The following VWA3B variants were observed in gnomAD, a reference collection of about 807,000 sequenced individuals.
VWA3B encodes von Willebrand factor A domain-containing protein 3B.
A neutral mutation model predicts 158.3 loss-of-function variants in VWA3B; 138 were observed. The ratio of observed to expected loss-of-function variants is 0.87; its 90% CI spans 0.76 to 1.00. The LOEUF is 1.00. VWA3B is among the 50% of genes least tolerant of loss of function. The pLI is 0.00. For synonymous variants in VWA3B, 596 were observed against 587.3 expected (o/e 1.01, Z -0.21); for missense variants, 1,555 against 1,565.1 (o/e 0.99, Z 0.11).
chr2:98,180,886 C>A, intron 8 of VWA3B, 130 bp from the exon 9 acceptor site: 1 of 932,700 alleles, frequency 1.1e-6, no homozygotes, highest in Non-Finnish European at 1.6e-6. Context: ...CTTTGGAAAG[C>A]TGTTTTCTGA....
chr2:98,092,115 A>G (rs1682336729), intron 1 of VWA3B, among the ~76,000 whole-genome samples: 1 of 152,226 alleles, frequency 6.6e-6, no homozygotes, highest in South Asian at 2.1e-4. Flanking sequence ...CAGAAAGTGG[A>G]TACATGTATT....
chr2:98,102,017 G>GCGGCCTTC (rs1683111348), intron 2 of VWA3B, among the ~76,000 whole-genome samples: 1 of 152,156 alleles, frequency 6.6e-6, no homozygotes, highest in Non-Finnish European at 1.5e-5. Context: ...AGAGGTCCCT[G>GCGGCCTTC]CGGCCTTCCG....
intron 21 of VWA3B, among the ~76,000 whole-genome samples, chr2:98,260,840 T>C (rs1050281002): frequency 1.3e-5 from 2 of 151,828 alleles, no homozygotes; most frequent in Non-Finnish European, 3.0e-5. Context: ...GGTAATATTA[T>C]AGCCACTCCA....
At chr2:98,305,460 C>T (rs1321387787) in intron 26 of VWA3B, among the ~76,000 whole-genome samples, 4 of 152,170 alleles carry the variant, frequency 2.6e-5, no homozygotes, top group African/African-American at 9.7e-5. Flanking sequence ...TGCAGGATGA[C>T]AGTGATGTGA....
At chr2:98,093,848 A>G (rs1237486930) in intron 2 of VWA3B, among the ~76,000 whole-genome samples, 4 of 152,138 alleles carry the variant, frequency 2.6e-5, no homozygotes, top group South Asian at 2.1e-4. Context: ...CGCTACTTCT[A>G]TGAGATAAAC....
At chr2:98,283,727 G>A (rs556111219) in intron 22 of VWA3B, among the ~76,000 whole-genome samples, 3 of 152,342 alleles carry the variant, frequency 2.0e-5, no homozygotes, top group East Asian at 1.9e-4. Context: ...TTCTCCAAGA[G>A]TGTAGATTAG....
chr2:98,148,557 C>G (rs1677356911), intron 7 of VWA3B, among the ~76,000 whole-genome samples: 1 of 152,200 alleles, frequency 6.6e-6, no homozygotes, highest in Admixed American at 6.5e-5. Context: ...ATAAATCCTG[C>G]AGTTCCTTCG....
At chr2:98,096,167 G>T (rs533166037) in intron 2 of VWA3B, among the ~76,000 whole-genome samples, 1 of 152,258 alleles carries the variant, frequency 6.6e-6, no homozygotes, top group African/African-American at 2.4e-5. Context: ...TCCTCTTCAA[G>T]TTTTTGGGAA....
chr2:98,229,139 T>C (rs1685152654), intron 15 of VWA3B, among the ~76,000 whole-genome samples: 1 of 152,216 alleles, frequency 6.6e-6, no homozygotes, highest in African/African-American at 2.4e-5. Flanking sequence ...TACAATAAGA[T>C]TTTATGGCAT....
At position 98,181,132 on chromosome 2, in the gene VWA3B, G is replaced by A. The variant is rs1357492992; in HGVS notation, c.1231G>A (p.Ala411Thr). 6.2e-7 allele frequency: 1 copy of A among 1,614,206 alleles called. No individual in the cohort carries two copies. The highest frequency in any genetic ancestry group is 1.7e-5 in the Admixed American group (1 of 60,020). ...AQKLSLYDVL[A>T]DCSFRHADGV... ...GAAGCTATCCTTGTATGATGTGCTT[G>A]CCGACTGCTCTTTCCGCCACGCTGA... Residue 411 changes from alanine (A) to threonine (T), a missense_variant, in exon 9 of 28, where the codon GCC becomes ACC. Physicochemically the swap from Ala to Thr is moderately conservative, Grantham distance 58. Coordinates refer to ENST00000477737, the MANE Select transcript of VWA3B (RefSeq NM_144992.5).
chr2:98,313,921 A>G (rs549079880), downstream of VWA3B, among the ~76,000 whole-genome samples: 1 of 152,220 alleles, frequency 6.6e-6, no homozygotes, highest in Non-Finnish European at 1.5e-5. Context: ...TGCAATTACA[A>G]CGGTGAACTT....
intron 26 of VWA3B, among the ~76,000 whole-genome samples, chr2:98,310,219 CACTT>C (rs1341310510): frequency 6.6e-6 from 1 of 152,146 alleles, no homozygotes; most frequent in Non-Finnish European, 1.5e-5. Context: ...GAGAGAGAGA[CACTT>C]AGGGCACAAT....
intron 12 of VWA3B, among the ~76,000 whole-genome samples, chr2:98,199,138 T>A (rs1303872017): frequency 6.6e-6 from 1 of 152,180 alleles, no homozygotes; most frequent in East Asian, 1.9e-4. Flanking sequence ...TCAGTTCTTA[T>A]AAGTTCGTCC....
At chr2:98,188,972 A>G (rs941847876) in intron 10 of VWA3B, among the ~76,000 whole-genome samples, 1 of 152,172 alleles carries the variant, frequency 6.6e-6, no homozygotes, top group Admixed American at 6.5e-5. Context: ...CCACACGTGT[A>G]TTGCCCAATG....
chr2:98,323,275 A>G, the VWA3B span, among the ~76,000 whole-genome samples: 1 of 152,230 alleles, frequency 6.6e-6, no homozygotes, highest in Non-Finnish European at 1.5e-5. Context: ...TTCGAGAGCT[A>G]AAAGTTACTA....
In VWA3B at chr2:98,194,447, T is replaced by A. The variant is rs1044197251; in HGVS notation, c.1692T>A (p.Asn564Lys). Residue 564 changes from asparagine (N) to lysine (K), a missense_variant, in exon 12 of 28, where the codon AAT becomes AAA. By Grantham distance (94) the Asn-to-Lys change is moderately conservative. Coordinates refer to ENST00000477737, the MANE Select transcript of VWA3B (RefSeq NM_144992.5). ...GGCGGGAACAACTTGCTGAAGTCAA[T>A]GAAGATAATTTGGAACAGGCTCAGT... ...VAWREQLAEV[N>K]EDNLEQAQSW... 45 of 1,613,968 alleles carry A rather than the reference T, an allele frequency of 2.8e-5. No homozygotes were observed. Among genetic ancestry groups the A allele is most frequent in the Non-Finnish European group, 3.6e-5 (42 of 1,180,016 alleles).
intron 2 of VWA3B, among the ~76,000 whole-genome samples, chr2:98,113,052 T>C (rs1451244233): frequency 1.3e-5 from 2 of 151,660 alleles, no homozygotes; most frequent in East Asian, 3.8e-4. Context: ...CAACATTATA[T>C]ATATATATAA....
intron 23 of VWA3B, chr2:98,292,095 A>G (rs943876882): frequency 2.6e-5 from 4 of 151,346 alleles, no homozygotes; most frequent in Non-Finnish European, 5.9e-5. Flanking sequence ...AAAAAAAAAA[A>G]AAAAAAAAAA....
intron 15 of VWA3B, among the ~76,000 whole-genome samples, chr2:98,228,755 C>T (rs541049289): frequency 5.9e-5 from 9 of 152,240 alleles, no homozygotes; most frequent in South Asian, 2.1e-4. Flanking sequence ...AAATGGTGGC[C>T]GTGGTGGTGG....
Sources: gnomAD v4.1 joint callset for allele counts (sites outside exome capture counted in the v4.1 genomes callset) on GRCh38, gnomAD v4.1.1 for gene constraint, MANE v1.5 for transcripts, NCBI Gene and HGNC (gene_info 2026-07-23, HGNC 2026-07-21) for gene names.